The following ATP1A3 variants were observed in gnomAD, a reference collection of about 807,000 sequenced individuals.
The protein encoded by ATP1A3 is ATPase Na+/K+ transporting subunit alpha 3.
Under a neutral mutation model 108.8 loss-of-function variants are expected in ATP1A3, and 12 were observed. The observed-to-expected ratio is 0.11, with a 90% CI of 0.07 to 0.18. The LOEUF (loss-of-function observed/expected upper bound fraction) is 0.18, where lower values mean the gene tolerates loss of function less well. Among genes scored for constraint, ATP1A3 ranks in the 10% least tolerant of loss-of-function variants. The pLI is 1.00. For synonymous variants in ATP1A3, 539 were observed against 564.5 expected, an observed-to-expected ratio of 0.95 and a Z score of 0.64; for missense variants, 498 against 1,387.7, an observed-to-expected ratio of 0.36 and a Z score of 10.19.
Position 41,977,516 on chromosome 19 carries a change from G to A in ATP1A3, c.1943+420C>T, listed in dbSNP as rs200980227. On this transcript the variant is annotated intron_variant, in intron 14 of 22. Coordinates refer to ENST00000648268, the MANE Select transcript of ATP1A3 (RefSeq NM_152296.5). ...GCCTGGCCAACATAGTGAAACCCCC[G>A]TCTCTACTAAAAATACAAAAAAAAA... Among the ~76,000 whole-genome samples, 91 of 118,788 alleles carry A rather than the reference G, an allele frequency of 7.7e-4. 1 individual carries two copies. The East Asian group carries it at 0.019, about 25-fold the overall frequency. The allele number at this position is 118,788 out of a possible 152,430, so 77.9% of individuals were successfully genotyped here. A position where few individuals can be genotyped will look rare whatever the true frequency, so the allele number is the denominator to read the frequency against.
Position 41,986,241 on chromosome 19 carries a change from T to G in ATP1A3, c.358-12A>C, listed in dbSNP as rs1022929205. The G allele has an allele frequency of 1.9e-6, 3 of 1,613,210 alleles. No homozygotes were observed. The Admixed American group carries it at 5.0e-5, about 27-fold the overall frequency. On this transcript the variant is annotated splice_polypyrimidine_tract_variant and intron_variant, in intron 4 of 22. Transcript: ENST00000648268. ...ATGCCCAGGTACAGCTGTGGGGAGA[T>G]GTGGGGATGTTGATCAGGGGCCGCC...
rs976248342 is a variant in ATP1A3, at chr19:41,968,423, C to T, written c.2819+362G>A. Among the ~76,000 whole-genome samples the T allele has an allele frequency of 1.3e-5, 2 of 152,148 alleles. No homozygotes were observed. Among genetic ancestry groups the T allele is most frequent in the Non-Finnish European group, 2.9e-5 (2 of 68,022 alleles). Reference sequence around the variant, plus strand: ...ACTTGGGAGGCTGAGGCATGAGAATCGCTTGAACCCGGGAGGCGGAGGTTG... The same window carrying T: ...ACTTGGGAGGCTGAGGCATGAGAATTGCTTGAACCCGGGAGGCGGAGGTTG... On this transcript the variant is annotated intron_variant, in intron 20 of 22. Transcript: ENST00000648268. This position sits in a 1 kb window ranked among gnomAD's most constrained non-coding sequence, Gnocchi z 5.0.
At chr19:41,974,994 C>T (rs943609117) in intron 16 of ATP1A3, among the ~76,000 whole-genome samples, 7 of 152,248 alleles carry the variant, frequency 4.6e-5, no homozygotes, top group Admixed American at 2.0e-4. Flanking sequence ...GACCCCCAGC[C>T]CAGGCTGGCA....
chr19:41,967,474 G>T lies in ATP1A3; in HGVS notation c.2922-134C>A, dbSNP rs2145941785. 8.0e-7 allele frequency: 1 copy of T among 1,244,556 alleles called. No individual in the cohort carries two copies. Among genetic ancestry groups the T allele is most frequent in the Non-Finnish European group, 1.1e-6 (1 of 894,726 alleles). 77.1% of individuals were successfully genotyped at this position (1,244,556 alleles called of 1,614,324 possible). A position where few individuals can be genotyped will look rare whatever the true frequency, so the allele number is the denominator to read the frequency against. On this transcript the variant is annotated intron_variant, in intron 21 of 22. Coordinates refer to ENST00000648268, the MANE Select transcript of ATP1A3 (RefSeq NM_152296.5). The surrounding 1 kb of genome is among the most constrained non-coding windows in gnomAD (Gnocchi z 4.2). The stretch of plus-strand genomic sequence containing the variant: ...CACAGGTGGAGGGTGCCCTGGGCGG[G>T]GCTGGGGCCTGGGGTCTTCGGAGTA...
Position 41,988,479 on chromosome 19 carries a change from A to G in ATP1A3, c.90T>C (p.Ala30=). ...GCGGGCAGAGGGCGAGGCTTACCAT[A>G]GCCACCTCCTTCTTGAGGTCATCCA... ...RDLDDLKKEV[A]MTEHKMSVEE... is the part of the protein sequence containing the mutation. The change falls in exon 2 of 23, where the codon GCT becomes GCC. Residue 30 remains alanine, a synonymous_variant. Coordinates refer to ENST00000648268, the MANE Select transcript of ATP1A3 (RefSeq NM_152296.5). The surrounding 1 kb of genome is among the most constrained non-coding windows in gnomAD (Gnocchi z 5.3). The G allele has an allele frequency of 1.2e-6, 2 of 1,614,120 alleles. No homozygotes were observed. Among genetic ancestry groups the G allele is most frequent in the South Asian group, 1.1e-5 (1 of 91,080 alleles).
chr19:41,978,473 A>T lies in ATP1A3; in HGVS notation c.1630+133T>A. The T allele has an allele frequency of 6.7e-7, 1 of 1,486,424 alleles. No individual in the cohort carries two copies. The highest frequency in any genetic ancestry group is 9.2e-7 in the Non-Finnish European group (1 of 1,086,178). The allele number at this position is 1,486,424 out of a possible 1,614,324, so 92.1% of individuals were successfully genotyped here. The stretch of plus-strand genomic sequence containing the variant: ...ATTTCCTAGGATACCTTCCCCTCTC[A>T]TCCATCCATTCATTCATTCATTCAT... On this transcript the variant is annotated intron_variant, in intron 12 of 22. Transcript: ENST00000648268. This position sits in a 1 kb window ranked among gnomAD's most constrained non-coding sequence, Gnocchi z 8.3.
chr19:41,975,478 A>G, intron 16 of ATP1A3, 151 bp downstream of exon 16: 1 of 1,195,930 alleles, frequency 8.4e-7, no homozygotes, highest in South Asian at 1.5e-5. Context: ...ACAGGGGAGG[A>G]AGACAGAAAA....
intron 16 of ATP1A3, among the ~76,000 whole-genome samples, chr19:41,973,388 T>G (rs2075133667): frequency 6.6e-6 from 1 of 152,208 alleles, no homozygotes. Flanking sequence ...CCCAAGTCTC[T>G]GAGACTACAG....
In ATP1A3 at chr19:41,967,651, G is replaced by C; in HGVS notation, c.2921+11C>G. The C allele has an allele frequency of 1.2e-6, 2 of 1,613,348 alleles. No individual in the cohort carries two copies. Among genetic ancestry groups the C allele is most frequent in the Non-Finnish European group, 1.7e-6 (2 of 1,179,618 alleles). On this transcript the variant is annotated intron_variant, in intron 21 of 22. Transcript: ENST00000648268. The surrounding 1 kb of genome is among the most constrained non-coding windows in gnomAD (Gnocchi z 4.2). Reference sequence around the variant, plus strand: ...TGGTGTGGGCAGGGCTGGGGGCAGCGGGGCACTCACTTGAGAGGGTACATG... The same window carrying C: ...TGGTGTGGGCAGGGCTGGGGGCAGCCGGGCACTCACTTGAGAGGGTACATG...
Position 41,978,631 on chromosome 19 carries a change from G to A in ATP1A3, c.1605C>T (p.Leu535=), listed in dbSNP as rs148097195. The part of the protein sequence containing the change: ...KEAFQNAYLE[L]GGLGERVLGF... ...CAAGCACGCGCTCGCCCAGGCCACC[G>A]AGCTCAAGGTAGGCATTCTGGAAGG... The change falls in exon 12 of 23, where the codon CTC becomes CTT. Residue 535 remains leucine (L), a synonymous_variant. Coordinates refer to ENST00000648268, the MANE Select transcript of ATP1A3 (RefSeq NM_152296.5). The surrounding 1 kb of genome is among the most constrained non-coding windows in gnomAD (Gnocchi z 8.3). The A allele has an allele frequency of 1.4e-5, 23 of 1,613,800 alleles. No individual in the cohort carries two copies. Among genetic ancestry groups the A allele is most frequent in the African/African-American group, 9.3e-5 (7 of 74,908 alleles).
At position 41,975,811 on chromosome 19, in the gene ATP1A3, G is replaced by A; in HGVS notation, c.2095-14C>T. ...CACAATTGCACCCTGGAGGGAGAGAGGGTAAGGATGACACCCAGAGGCCAG... is the reference window on the plus strand; with the variant it reads ...CACAATTGCACCCTGGAGGGAGAGAAGGTAAGGATGACACCCAGAGGCCAG... On this transcript the variant is annotated splice_polypyrimidine_tract_variant and intron_variant, in intron 15 of 22. Coordinates refer to ENST00000648268, the MANE Select transcript of ATP1A3 (RefSeq NM_152296.5). The A allele has an allele frequency of 5.6e-6, 9 of 1,613,972 alleles. No homozygotes were observed. Among genetic ancestry groups the A allele is most frequent in the Non-Finnish European group, 7.6e-6 (9 of 1,179,948 alleles).
chr19:41,978,317 T>C lies in ATP1A3; in HGVS notation c.1640A>G (p.His547Arg), dbSNP rs1599715533. 2 of 1,602,152 alleles carry C rather than the reference T, an allele frequency of 1.2e-6. No individual in the cohort carries two copies. Among genetic ancestry groups the C allele is most frequent in the South Asian group, 1.1e-5 (1 of 89,500 alleles). ...GLGERVLGFC[H>R]YYLPEEQFPK... The stretch of plus-strand genomic sequence containing the variant: ...GAACTGCTCCTCGGGCAGGTAATAA[T>C]GGCAGAAACCTAGTGGCAGGGAAGG... The change falls in exon 13 of 23, where the codon CAT (histidine) becomes CGT (arginine). Residue 547 changes from histidine to arginine, a missense_variant. Transcript: ENST00000648268. The surrounding 1 kb of genome is among the most constrained non-coding windows in gnomAD (Gnocchi z 8.3).
chr19:41,982,318 C>T (rs1448829096), intron 8 of ATP1A3, among the ~76,000 whole-genome samples: 1 of 152,104 alleles, frequency 6.6e-6, no homozygotes, highest in Non-Finnish European at 1.5e-5. Flanking sequence ...ATGCTCATAG[C>T]AGCCACATGC....
chr19:41,971,033 C>T (rs1001286789), intron 16 of ATP1A3, among the ~76,000 whole-genome samples: 23 of 151,764 alleles, frequency 1.5e-4, no homozygotes, highest in Admixed American at 2.6e-4. Context: ...GGCATGATCA[C>T]GGCTCACTGC....
Position 41,978,762 on chromosome 19 carries a change from G to C in ATP1A3, c.1474C>G (p.Arg492Gly), listed in dbSNP as rs1254049182. The change falls in exon 12 of 23, where the codon CGA (arginine) becomes GGA (glycine). Residue 492 changes from arginine (R) to glycine (G), a missense_variant. Coordinates refer to ENST00000648268, the MANE Select transcript of ATP1A3 (RefSeq NM_152296.5). This position sits in a 1 kb window ranked among gnomAD's most constrained non-coding sequence, Gnocchi z 8.3. ...GCACCCTTCATCACCAGCAGGTATC[G>C]GTTGTCGTTGGGGTCCTCGGTCTCA... ...IHETEDPNDN[R>G]YLLVMKGAPE... is the part of the protein sequence containing the mutation. The C allele has an allele frequency of 6.2e-7, 1 of 1,613,942 alleles. No individual in the cohort carries two copies. Among genetic ancestry groups the C allele is most frequent in the African/African-American group, 1.3e-5 (1 of 74,912 alleles).
chr19:41,977,321 A>G (rs570732039), intron 14 of ATP1A3, among the ~76,000 whole-genome samples: 13 of 152,280 alleles, frequency 8.5e-5, no homozygotes, highest in African/African-American at 3.1e-4. Flanking sequence ...AGCCCATTTT[A>G]GAGATGGGCA....
intron 4 of ATP1A3, among the ~76,000 whole-genome samples, 159 bp downstream of exon 4, chr19:41,987,777 T>C (rs942603995): frequency 6.6e-6 from 1 of 152,132 alleles, no homozygotes; most frequent in African/African-American, 2.4e-5. Flanking sequence ...TCAGTTTGCC[T>C]TGTATTTGAT....
chr19:41,975,925 C>T, intron 15 of ATP1A3, 128 bp from the exon 16 acceptor site: 1 of 1,303,416 alleles, frequency 7.7e-7, no homozygotes, highest in South Asian at 1.2e-5. Flanking sequence ...CCAACCTCCT[C>T]TTCCCCTCAG....
intron 16 of ATP1A3, 134 bp downstream of exon 16, chr19:41,975,495 G>T (rs1318988117): frequency 1.5e-6 from 2 of 1,334,786 alleles, no homozygotes; most frequent in African/African-American, 1.5e-5. Context: ...AAAAGGACAG[G>T]CTCAGGCTCC....
Sources: allele counts gnomAD v4.1 joint callset (sites outside exome capture counted in the v4.1 genomes callset), GRCh38; gene constraint gnomAD v4.1.1; non-coding constraint Gnocchi (gnomAD v3.1); transcripts MANE v1.5; gene names NCBI Gene and HGNC (gene_info 2026-07-23, HGNC 2026-07-21).